The following NRXN3 variants were observed in gnomAD, a reference collection of about 807,000 sequenced individuals.
The protein encoded by NRXN3 is neurexin 3.
NRXN3 carries 32 observed loss-of-function variants against 137.6 expected under a neutral mutation model. The observed-to-expected ratio is 0.23, with a 90% CI of 0.18 to 0.31. NRXN3 has a LOEUF of 0.31. Ranked by LOEUF, NRXN3 falls within the 10% of genes least tolerant of loss-of-function variation. The pLI is 1.00. For synonymous variants in NRXN3, 798 were observed against 784.5 expected (o/e 1.02, Z -0.29); for missense variants, 1,574 against 2,062.5 (o/e 0.76, Z 4.59).
intron 6 of NRXN3, among the ~76,000 whole-genome samples, chr14:78,671,359 T>C (rs181237208): frequency 2.6e-5 from 4 of 152,322 alleles, no homozygotes; most frequent in Admixed American, 6.5e-5. Context: ...AAGCTAAAGA[T>C]ATAAGAAAAC....
intron 8 of NRXN3, among the ~76,000 whole-genome samples, chr14:78,756,654 T>C (rs1438511278): frequency 6.6e-6 from 1 of 151,888 alleles, no homozygotes; most frequent in South Asian, 2.1e-4. Context: ...CTTTTAAAAA[T>C]TGACTTTGTT....
chr14:79,333,681 T>A (rs1262375040), intron 15 of NRXN3, among the ~76,000 whole-genome samples: 1 of 152,202 alleles, frequency 6.6e-6, no homozygotes, highest in East Asian at 1.9e-4. Context: ...TCTGGTTTTG[T>A]TCAACTTTTG....
At chr14:79,039,106 T>C (rs2099620940) in intron 15 of NRXN3, among the ~76,000 whole-genome samples, 1 of 152,174 alleles carries the variant, frequency 6.6e-6, no homozygotes, top group African/African-American at 2.4e-5. Flanking sequence ...GAAAGAACTC[T>C]TCATTCTTAG....
chr14:79,496,028 G>T (rs2096763139), intron 16 of NRXN3, among the ~76,000 whole-genome samples: 1 of 152,046 alleles, frequency 6.6e-6, no homozygotes, highest in South Asian at 2.1e-4. Context: ...ATTGAGCAAT[G>T]TTGGGGTTTT....
chr14:78,524,915 G>C (rs1418051080), intron 4 of NRXN3, among the ~76,000 whole-genome samples: 1 of 152,156 alleles, frequency 6.6e-6, no homozygotes, highest in African/African-American at 2.4e-5. Flanking sequence ...GCCTGAAGAG[G>C]AAATGATGAT....
intron 15 of NRXN3, among the ~76,000 whole-genome samples, chr14:79,297,893 C>T (rs1457377531): frequency 6.6e-6 from 1 of 152,038 alleles, no homozygotes; most frequent in African/African-American, 2.4e-5. Context: ...TAGTGCTTCA[C>T]AACTTTTAAA....
At chr14:78,959,765 A>G (rs1255203181) in intron 11 of NRXN3, among the ~76,000 whole-genome samples, 1 of 152,158 alleles carries the variant, frequency 6.6e-6, no homozygotes, top group Non-Finnish European at 1.5e-5. Context: ...CAAGAACTGT[A>G]TGAACTGTTG....
At chr14:78,689,788 T>G (rs973929487) in intron 6 of NRXN3, among the ~76,000 whole-genome samples, 1 of 152,072 alleles carries the variant, frequency 6.6e-6, no homozygotes, top group Non-Finnish European at 1.5e-5. Context: ...TTGGCTTAGT[T>G]CTGGTGGTCT....
intron 15 of NRXN3, among the ~76,000 whole-genome samples, chr14:79,369,255 G>T (rs1241165443): frequency 6.6e-6 from 1 of 152,212 alleles, no homozygotes; most frequent in Non-Finnish European, 1.5e-5. Flanking sequence ...GTGAAAGAAA[G>T]TGGAGGCTTT....
At position 79,534,939 on chromosome 14, in the gene NRXN3, T is replaced by C. The variant is rs182419790; in HGVS notation, c.3444+67537T>C. ...GTGGTCTGACATCCTGTTAAAAGCA[T>C]TGGTCTCTTTCTAAACATTGGTAGT... is the stretch of plus-strand genomic sequence containing the variant. On this transcript the variant is annotated intron_variant, in intron 16 of 20. Transcript: ENST00000335750. 2.4e-4 allele frequency among the ~76,000 whole-genome samples: 36 copies of C among 152,320 alleles called. 1 individual carries two copies. Among genetic ancestry groups the C allele is most frequent in the African/African-American group, 3.8e-4 (16 of 41,588 alleles).
chr14:79,180,016 G>T (rs1046386400), intron 15 of NRXN3, among the ~76,000 whole-genome samples: 2 of 152,140 alleles, frequency 1.3e-5, no homozygotes, highest in Non-Finnish European at 2.9e-5. Context: ...ATCCATGTTT[G>T]CTTTCTTTCT....
At chr14:78,745,292 T>A (rs2098601957) in intron 8 of NRXN3, 1 of 152,324 alleles carries the variant, frequency 6.6e-6, no homozygotes, top group African/African-American at 2.4e-5. Flanking sequence ...AGCACCAGAA[T>A]TCTAAGTCTG....
chr14:78,425,952 G>A (rs1467822648), intron 4 of NRXN3, among the ~76,000 whole-genome samples: 1 of 152,200 alleles, frequency 6.6e-6, no homozygotes, highest in Non-Finnish European at 1.5e-5. Flanking sequence ...CTGGGCACCT[G>A]ATTCTTGGAA....
intron 15 of NRXN3, among the ~76,000 whole-genome samples, chr14:79,364,798 T>A (rs755707838): frequency 2.0e-5 from 3 of 152,190 alleles, no homozygotes; most frequent in Non-Finnish European, 4.4e-5. Flanking sequence ...TTCATAAATC[T>A]TCAGGTGGTA....
intron 16 of NRXN3, among the ~76,000 whole-genome samples, chr14:79,647,725 G>T (rs1387729502): frequency 2.9e-5 from 4 of 135,622 alleles, no homozygotes; most frequent in Admixed American, 7.8e-5. Context: ...ATGATTTTAT[G>T]ATCAGGTCTG....
rs534860507 is a variant in NRXN3 at position 78,555,574 on chromosome 14, T to C, written c.758-89546T>C. Among the ~76,000 whole-genome samples the C allele has an allele frequency of 2.0e-5, 3 of 152,346 alleles. No individual in the cohort carries two copies. The East Asian group carries it at 5.8e-4, about 29-fold the overall frequency. ...GATGTGTGGCTCAAAGGATACAACT[T>C]TTGACTTGAACAGTCACCAGGCCTT... On this transcript the variant is annotated intron_variant, in intron 4 of 20. Coordinates refer to ENST00000335750, the MANE Select transcript of NRXN3 (RefSeq NM_001330195.2).
At chr14:79,016,056 C>T (rs1035234291) in intron 15 of NRXN3, among the ~76,000 whole-genome samples, 10 of 152,134 alleles carry the variant, frequency 6.6e-5, no homozygotes, top group Non-Finnish European at 1.5e-4. Context: ...CCCTTCTCAC[C>T]TTGTCCATGG....
chr14:78,334,957 G>A lies in NRXN3; in HGVS notation c.757+37097G>A, dbSNP rs547616093. 2.6e-5 allele frequency among the ~76,000 whole-genome samples: 4 copies of A among 152,214 alleles called. No homozygotes were observed. In the South Asian group the frequency reaches 6.2e-4, roughly 24 times the overall value. On this transcript the variant is annotated intron_variant, in intron 4 of 20. Coordinates refer to ENST00000335750, the MANE Select transcript of NRXN3 (RefSeq NM_001330195.2). ...CCCCAGGAGTTTGGACCAGAGAATC[G>A]CTCTCCATGAAGGAAACAGGAATGG...
intron 10 of NRXN3, among the ~76,000 whole-genome samples, chr14:78,829,218 C>T (rs1596298426): frequency 6.6e-6 from 1 of 152,280 alleles, no homozygotes; most frequent in South Asian, 2.1e-4. Context: ...TTCTGATTTA[C>T]AATCATCCTT....
Sources: allele counts gnomAD v4.1 joint callset (sites outside exome capture counted in the v4.1 genomes callset), GRCh38; gene constraint gnomAD v4.1.1; transcripts MANE v1.5; gene names NCBI Gene and HGNC (gene_info 2026-07-23, HGNC 2026-07-21).